WFDC8: variants seen among roughly 807,000 people sequenced by gnomAD.
The protein encoded by WFDC8 is WAP four-disulfide core domain 8.
A neutral mutation model predicts 27.0 loss-of-function variants in WFDC8; 24 were observed. The ratio of observed to expected loss-of-function variants is 0.89; its 90% CI spans 0.64 to 1.25. The LOEUF (loss-of-function observed/expected upper bound fraction) is 1.25. Among genes scored for constraint, WFDC8 ranks in the 50% most tolerant of loss-of-function variants. WFDC8 has a pLI of 0.00. For missense variants in WFDC8, 287 were observed against 295.9 expected, an observed-to-expected ratio of 0.97 and a Z score of 0.22; for synonymous variants, 106 against 99.7, an observed-to-expected ratio of 1.06 and a Z score of -0.38.
intron 1 of WFDC8, among the ~76,000 whole-genome samples, chr20:45,577,605 G>A (rs1189760023): frequency 6.7e-6 from 1 of 149,408 alleles, no homozygotes; most frequent in African/African-American, 2.4e-5. Context: ...TCACTGTGTT[G>A]GCCAGGATGG....
intron 1 of WFDC8, among the ~76,000 whole-genome samples, chr20:45,563,643 C>T (rs560248818): frequency 7.9e-5 from 12 of 152,322 alleles, no homozygotes; most frequent in South Asian, 2.1e-4. Context: ...TGAATGCCAA[C>T]AAATGTTCCT....
rs770979466 is a variant in WFDC8 at position 45,551,989 on chromosome 20, A to C, written c.*37T>G. ...ACAGCTCTTTATCATGCTACTCATA[A>C]TTAATGATTTTGATGATAATATTTT... On this transcript the variant is annotated 3_prime_UTR_variant, in exon 6 of 6. Coordinates refer to ENST00000289953, the MANE Select transcript of WFDC8 (RefSeq NM_130896.3). 1.9e-5 allele frequency: 31 copies of C among 1,609,458 alleles called. No homozygotes were observed. The Admixed American group carries it at 3.5e-4, about 18-fold the overall frequency.
At chr20:45,562,348 TG>T in intron 1 of WFDC8, 129 bp from the exon 2 acceptor site, 2 of 719,008 alleles carry the variant, frequency 2.8e-6, no homozygotes, top group Non-Finnish European at 4.8e-6. Context: ...GACACCAGCA[TG>T]GGGAAGGAGT....
intron 1 of WFDC8, among the ~76,000 whole-genome samples, chr20:45,564,710 C>T (rs1242122266): frequency 3.3e-5 from 5 of 150,896 alleles, no homozygotes; most frequent in African/African-American, 7.3e-5. Flanking sequence ...AGCATGGCAG[C>T]GCACACCTGT....
Position 45,562,187 on chromosome 20 carries a change from C to T in WFDC8, c.59G>A (p.Trp20Ter), listed in dbSNP as rs1233471457. The T allele has an allele frequency of 1.2e-6, 2 of 1,614,126 alleles. No individual in the cohort carries two copies. Among genetic ancestry groups the T allele is most frequent in the Non-Finnish European group, 8.5e-7 (1 of 1,180,016 alleles). Residue 20 changes from tryptophan to a stop codon, truncating the protein, a stop_gained, in exon 2 of 6, where the codon TGG becomes TAG. Coordinates refer to ENST00000289953, the MANE Select transcript of WFDC8 (RefSeq NM_130896.3). LOFTEE classifies it high-confidence loss of function. Reference sequence around the variant, plus strand: ...AAGCAGCAGGAAAGCTACATTCCTCCAGGAGAAGGTGGGGCTATGGAGAGG... The same window carrying T: ...AAGCAGCAGGAAAGCTACATTCCTCTAGGAGAAGGTGGGGCTATGGAGAGG... The part of the protein sequence containing the change: ...HFPLHSPTFS[W>*]RNVAFLLLLS...
intron 1 of WFDC8, among the ~76,000 whole-genome samples, chr20:45,562,698 A>G (rs935519494): frequency 2.0e-5 from 3 of 152,194 alleles, no homozygotes; most frequent in Admixed American, 6.5e-5. Context: ...GAACAATCTC[A>G]GATGACCTTG....
chr20:45,565,236 G>A (rs1267916634), intron 1 of WFDC8, among the ~76,000 whole-genome samples: 1 of 152,058 alleles, frequency 6.6e-6, no homozygotes, highest in Non-Finnish European at 1.5e-5. Flanking sequence ...GTCAACTTGG[G>A]CTAGTTTTAC....
rs2145565768 is a variant in WFDC8 at position 45,558,989 on chromosome 20, T to C, written c.140A>G (p.Lys47Arg). Residue 47 changes from lysine to arginine, a missense_variant, in exon 3 of 6, where the codon AAA (lysine) becomes AGA (arginine). Transcript: ENST00000289953. The stretch of plus-strand genomic sequence containing the variant: ...CCTCTCTTTGGGACATAACCCTGGT[T>C]TGTCTGCAAGAAAGAAATGTCCAAA... ...SAMLTKKIKHKPGLCPKERLT... is the reference protein window; with the variant it reads ...SAMLTKKIKHRPGLCPKERLT... 1 of 1,613,892 alleles carries C rather than the reference T, an allele frequency of 6.2e-7. No individual in the cohort carries two copies. The highest frequency in any genetic ancestry group is 1.7e-4 in the Middle Eastern group (1 of 6,052).
At chr20:45,558,040 CT>C (rs769020878) in intron 3 of WFDC8, among the ~76,000 whole-genome samples, 5 of 152,188 alleles carry the variant, frequency 3.3e-5, no homozygotes, top group African/African-American at 7.2e-5. Context: ...ACCCGCCCCC[CT>C]CTAAGCTAAC....
chr20:45,579,033 T>C (rs550207658), intron 1 of WFDC8, among the ~76,000 whole-genome samples, 189 bp downstream of exon 1: 1 of 152,210 alleles, frequency 6.6e-6, no homozygotes, highest in East Asian at 1.9e-4. Flanking sequence ...CTGGATGCAT[T>C]GATGCCCTCT....
chr20:45,551,755 A>G, downstream of WFDC8: 1 of 323,790 alleles, frequency 3.1e-6, no homozygotes, highest in East Asian at 5.6e-5. Context: ...AAGGAACTAG[A>G]CAAGGATGGA....
At chr20:45,565,798 A>G (rs1055067980) in intron 1 of WFDC8, among the ~76,000 whole-genome samples, 5 of 152,202 alleles carry the variant, frequency 3.3e-5, no homozygotes, top group Non-Finnish European at 5.9e-5. Flanking sequence ...TAAGACATTG[A>G]TTTGAATTGA....
At chr20:45,564,692 CT>C (rs1424953244) in intron 1 of WFDC8, among the ~76,000 whole-genome samples, 1 of 139,106 alleles carries the variant, frequency 7.2e-6, no homozygotes, top group Admixed American at 7.3e-5. Context: ...AAAAAAAAAA[CT>C]TAGCCCAGCA....
chr20:45,556,358 A>G (rs1429808111), intron 3 of WFDC8, among the ~76,000 whole-genome samples: 1 of 152,210 alleles, frequency 6.6e-6, no homozygotes, highest in Non-Finnish European at 1.5e-5. Flanking sequence ...ATTTTAGACT[A>G]TATAAATTAT....
intron 1 of WFDC8, among the ~76,000 whole-genome samples, chr20:45,565,461 C>T (rs1009670446): frequency 6.6e-6 from 1 of 152,060 alleles, no homozygotes; most frequent in African/African-American, 2.4e-5. Context: ...TGACAATGAG[C>T]CACCCTGAAG....
chr20:45,572,804 A>G (rs1309613348), intron 1 of WFDC8, among the ~76,000 whole-genome samples: 1 of 152,134 alleles, frequency 6.6e-6, no homozygotes, highest in Non-Finnish European at 1.5e-5. Flanking sequence ...ACAGGGTTTC[A>G]CCATGTTGGC....
intron 1 of WFDC8, among the ~76,000 whole-genome samples, chr20:45,566,879 G>A (rs1301461857): frequency 6.6e-6 from 1 of 151,988 alleles, no homozygotes; most frequent in African/African-American, 2.4e-5. Context: ...TGCTCATGTC[G>A]CTTTTATAAA....
chr20:45,577,029 C>A (rs914093674), intron 1 of WFDC8, among the ~76,000 whole-genome samples: 4 of 151,350 alleles, frequency 2.6e-5, no homozygotes, highest in African/African-American at 9.7e-5. Context: ...ACTCATGATG[C>A]TTTTGTGGTC....
In WFDC8 at chr20:45,558,881, C is replaced by G. The variant is rs755349702; in HGVS notation, c.248G>C (p.Cys83Ser). The G allele has an allele frequency of 5.0e-6, 8 of 1,614,016 alleles. No homozygotes were observed. Among genetic ancestry groups the G allele is most frequent in the Admixed American group, 1.7e-5 (1 of 59,996 alleles). The part of the protein sequence containing the change: ...KEYQKCCFFA[C>S]QKKCMDPFQE... The stretch of plus-strand genomic sequence containing the variant: ...AAAGGGATCCATGCACTTCTTCTGA[C>G]AGGCAAAAAAGCAGCACTTCTGGTA... Residue 83 changes from cysteine (C) to serine (S), a missense_variant, in exon 3 of 6, where the codon TGT (cysteine) becomes TCT (serine). Cys to Ser is a moderately radical substitution (Grantham distance 112). Transcript: ENST00000289953.
Sources: allele counts gnomAD v4.1 joint callset (sites outside exome capture counted in the v4.1 genomes callset), GRCh38; gene constraint gnomAD v4.1.1; transcripts MANE v1.5; gene names NCBI Gene and HGNC (gene_info 2026-07-23, HGNC 2026-07-21).